Variants in DOCK10 observed in about 807,000 individuals in gnomAD.
DOCK10 encodes the protein dedicator of cytokinesis protein 10.
In DOCK10, 145 loss-of-function variants were observed where a neutral mutation model predicts 280.1. The ratio of observed to expected loss-of-function variants is 0.52; its 90% CI spans 0.45 to 0.59. The LOEUF (loss-of-function observed/expected upper bound fraction) is 0.59. Among genes scored for constraint, DOCK10 ranks in the 20% least tolerant of loss-of-function variants. The pLI is 0.00. For missense variants in DOCK10, 2,368 were observed against 2,651.7 expected, an observed-to-expected ratio of 0.89 and a Z score of 2.35; for synonymous variants, 915 against 942.2, an observed-to-expected ratio of 0.97 and a Z score of 0.53.
chr2:224,867,732 A>G (rs2125645098), intron 11 of DOCK10, among the ~76,000 whole-genome samples: 1 of 152,290 alleles, frequency 6.6e-6, no homozygotes, highest in African/African-American at 2.4e-5. Flanking sequence ...ATTGGTAGGA[A>G]GCGTTTGTGG....
chr2:224,788,796 C>CAAA (rs1332228962), intron 48 of DOCK10, among the ~76,000 whole-genome samples: 1 of 152,152 alleles, frequency 6.6e-6, no homozygotes, highest in Non-Finnish European at 1.5e-5. Flanking sequence ...CATCCCTTAT[C>CAAA]ACCTTTACCA....
chr2:224,989,981 T>C (rs370657725), intron 1 of DOCK10, among the ~76,000 whole-genome samples: 15 of 152,326 alleles, frequency 9.8e-5, no homozygotes, highest in African/African-American at 3.4e-4. Flanking sequence ...ATCTTTCCCG[T>C]GTGCTGACAT....
chr2:224,809,210 A>T (rs547762684), intron 31 of DOCK10, among the ~76,000 whole-genome samples: 97 of 152,340 alleles, frequency 6.4e-4, no homozygotes, highest in Non-Finnish European at 1.1e-3. Flanking sequence ...AAGGGTTTTT[A>T]AAATGTAACC....
chr2:224,872,217 C>T (rs183160491), intron 11 of DOCK10, among the ~76,000 whole-genome samples: 2 of 152,280 alleles, frequency 1.3e-5, no homozygotes, highest in South Asian at 2.1e-4. Flanking sequence ...AACTTGCATG[C>T]AGTTTTGATA....
intron 1 of DOCK10, among the ~76,000 whole-genome samples, chr2:224,958,061 T>C (rs1340993013): frequency 6.6e-6 from 1 of 152,132 alleles, no homozygotes; most frequent in African/African-American, 2.4e-5. Flanking sequence ...TTCCCTAACC[T>C]CTCTGGAAAT....
At chr2:224,783,400 G>A (rs1418705571) in intron 50 of DOCK10, among the ~76,000 whole-genome samples, 3 of 151,290 alleles carry the variant, frequency 2.0e-5, no homozygotes, top group African/African-American at 4.9e-5. Flanking sequence ...TCAGCCTCCC[G>A]AGTAGCTGGG....
chr2:224,914,164 G>C (rs1701189943), intron 3 of DOCK10, among the ~76,000 whole-genome samples: 1 of 151,914 alleles, frequency 6.6e-6, no homozygotes, highest in Non-Finnish European at 1.5e-5. Context: ...TGTTGAATTG[G>C]CCACTCTTCC....
intron 1 of DOCK10, among the ~76,000 whole-genome samples, chr2:224,975,402 T>C (rs1705375967): frequency 6.6e-6 from 1 of 152,210 alleles, no homozygotes; most frequent in South Asian, 2.1e-4. Context: ...TGACACAGGC[T>C]TTCTTTCCCA....
rs145990313 is a variant in DOCK10 at position 225,022,211 on chromosome 2, G to A, written c.123+20041C>T. Reference sequence around the variant, plus strand: ...CTGGAGCTGGAATCCTAGATCTACCGTTTAAAACTGTGTAATCTTGTCTTA... The same window carrying A: ...CTGGAGCTGGAATCCTAGATCTACCATTTAAAACTGTGTAATCTTGTCTTA... On this transcript the variant is annotated intron_variant, in intron 1 of 55. Coordinates refer to ENST00000258390, the MANE Select transcript of DOCK10 (RefSeq NM_014689.3). Among the ~76,000 whole-genome samples the A allele has an allele frequency of 5.7e-3, 868 of 152,206 alleles. 4 individuals are homozygous for A. The highest frequency in any genetic ancestry group is 5.7e-3 in the Non-Finnish European group (387 of 68,012).
intron 1 of DOCK10, among the ~76,000 whole-genome samples, chr2:224,998,676 T>G (rs1016738856): frequency 6.6e-6 from 1 of 152,194 alleles, no homozygotes; most frequent in Non-Finnish European, 1.5e-5. Context: ...CTTCCCTCAC[T>G]GGCAAACACC....
intron 2 of DOCK10, among the ~76,000 whole-genome samples, chr2:224,927,622 C>T (rs1051082392): frequency 6.6e-6 from 1 of 152,170 alleles, no homozygotes; most frequent in African/African-American, 2.4e-5. Flanking sequence ...CAGACGAAGT[C>T]TCTGATTCTC....
chr2:224,981,629 AT>A (rs756768668), intron 1 of DOCK10, among the ~76,000 whole-genome samples: 1 of 152,262 alleles, frequency 6.6e-6, no homozygotes, highest in Non-Finnish European at 1.5e-5. Context: ...CAAAAATGTA[AT>A]TTGACAAGTG....
chr2:224,895,839 G>GTATATATATATATATATATATA (rs1212771046), intron 4 of DOCK10, among the ~76,000 whole-genome samples: 1 of 116,190 alleles, frequency 8.6e-6, no homozygotes, highest in African/African-American at 4.0e-5. Context: ...GTGCGTGTGT[G>GTATATATATATATATATATATA]TGTATATATA....
intron 1 of DOCK10, among the ~76,000 whole-genome samples, chr2:224,949,130 G>T (rs1385772930): frequency 6.6e-6 from 1 of 152,196 alleles, no homozygotes; most frequent in African/African-American, 2.4e-5. Flanking sequence ...GCATGGCATG[G>T]AGTGTTCCAT....
chr2:224,933,317 A>G (rs1702504803), intron 1 of DOCK10, among the ~76,000 whole-genome samples: 1 of 152,174 alleles, frequency 6.6e-6, no homozygotes, highest in African/African-American at 2.4e-5. Flanking sequence ...AAAGATTTAG[A>G]TTGACAGCTC....
chr2:225,023,498 A>C (rs941922254), intron 1 of DOCK10, among the ~76,000 whole-genome samples: 1 of 152,242 alleles, frequency 6.6e-6, no homozygotes, highest in Non-Finnish European at 1.5e-5. Flanking sequence ...TGCAAATTTG[A>C]AAAGTGATTT....
At chr2:224,987,276 T>C (rs968477863) in intron 1 of DOCK10, among the ~76,000 whole-genome samples, 1 of 152,196 alleles carries the variant, frequency 6.6e-6, no homozygotes, top group African/African-American at 2.4e-5. Flanking sequence ...GATTAATAAC[T>C]AAAAATGAAG....
At chr2:224,921,110 A>ATATATAT (rs1185460802) in intron 2 of DOCK10, among the ~76,000 whole-genome samples, 9 of 69,616 alleles carry the variant, frequency 1.3e-4, no homozygotes, top group African/African-American at 9.6e-4. Flanking sequence ...AAAAAAAAAA[A>ATATATAT]AAATATATAT....
At chr2:224,992,027 G>A (rs6730803) in intron 1 of DOCK10, among the ~76,000 whole-genome samples, 6,696 of 152,202 alleles carry the variant, frequency 0.044, 171 homozygotes, top group Middle Eastern at 0.11. Flanking sequence ...AAGTGGCCTT[G>A]GGTTCAGGAG....
Sources: gnomAD v4.1 joint callset for allele counts (sites outside exome capture counted in the v4.1 genomes callset) on GRCh38, gnomAD v4.1.1 for gene constraint, MANE v1.5 for transcripts, NCBI Gene and HGNC (gene_info 2026-07-23, HGNC 2026-07-21) for gene names.